Variants in DSCAML1 observed in about 807,000 individuals in gnomAD.
DSCAML1 encodes cell adhesion molecule DSCAML1.
DSCAML1 carries 38 observed loss-of-function variants against 200.5 expected under a neutral mutation model. That is an observed-to-expected ratio of 0.19 (90% CI 0.15 to 0.25). The LOEUF is 0.25. Among genes scored for constraint, DSCAML1 ranks in the 10% least tolerant of loss-of-function variants. The probability of loss-of-function intolerance (pLI) is 1.00; values close to 1 mark genes in which losing one functional copy is unlikely to be tolerated. For missense variants in DSCAML1, 2,223 were observed against 2,858.8 expected (o/e 0.78, Z 5.07); for synonymous variants, 1,215 against 1,165.0 (o/e 1.04, Z -0.87).
intron 11 of DSCAML1, among the ~76,000 whole-genome samples, chr11:117,494,717 G>A (rs916710120): frequency 1.3e-5 from 2 of 152,220 alleles, no homozygotes; most frequent in African/African-American, 4.8e-5. Flanking sequence ...TCATACCAGA[G>A]TAAGGTGAGC....
chr11:117,465,104 C>T lies in DSCAML1; in HGVS notation c.3103G>A (p.Gly1035Arg), dbSNP rs754400983. ...TTCATCTCCACGATGCTGTACTGCCCGTTGCTGCCGGGGCTGTTCTCTCTG... is the reference window on the plus strand; with the variant it reads ...TTCATCTCCACGATGCTGTACTGCCTGTTGCTGCCGGGGCTGTTCTCTCTG... ...GYRENSPGSN[G>R]QYSIVEMKAT... The change falls in exon 17 of 33, where the codon GGG (glycine) becomes AGG (arginine). Residue 1035 changes from glycine to arginine, a missense_variant. Gly to Arg is a moderately radical substitution (Grantham distance 125). Coordinates refer to ENST00000651296, the MANE Select transcript of DSCAML1 (RefSeq NM_020693.4). 32 of 1,613,970 alleles carry T rather than the reference C, an allele frequency of 2.0e-5. No individual in the cohort carries two copies. Among genetic ancestry groups the T allele is most frequent in the Admixed American group, 1.3e-4 (8 of 59,992 alleles).
intron 11 of DSCAML1, among the ~76,000 whole-genome samples, chr11:117,483,312 T>C (rs913563234): frequency 5.3e-5 from 8 of 152,170 alleles, no homozygotes; most frequent in Non-Finnish European, 7.3e-5. Context: ...GGAAGACAGA[T>C]ACCTGCACCG....
At chr11:117,612,442 C>T (rs1224525706) in intron 3 of DSCAML1, among the ~76,000 whole-genome samples, 1 of 152,210 alleles carries the variant, frequency 6.6e-6, no homozygotes, top group African/African-American at 2.4e-5. Context: ...CTGCCTCCCC[C>T]TACCCCCGCC....
chr11:117,644,210 C>T (rs538471534), intron 3 of DSCAML1, among the ~76,000 whole-genome samples: 4 of 152,358 alleles, frequency 2.6e-5, no homozygotes, highest in African/African-American at 9.6e-5. Flanking sequence ...CACCAAGTCT[C>T]GAAAGGCTCC....
intron 3 of DSCAML1, among the ~76,000 whole-genome samples, chr11:117,708,381 C>A (rs185114961): frequency 6.6e-6 from 1 of 152,354 alleles, no homozygotes; most frequent in Non-Finnish European, 1.5e-5. Context: ...GATGCAGAAT[C>A]TCAAACGATC....
At chr11:117,559,652 T>C (rs1211050853) in intron 3 of DSCAML1, among the ~76,000 whole-genome samples, 1 of 152,016 alleles carries the variant, frequency 6.6e-6, no homozygotes, top group Non-Finnish European at 1.5e-5. Flanking sequence ...TCAGCATCAG[T>C]GTTTGGCTTT....
At chr11:117,448,425 T>C (rs1310184849) in intron 20 of DSCAML1, among the ~76,000 whole-genome samples, 2 of 152,152 alleles carry the variant, frequency 1.3e-5, no homozygotes, top group Non-Finnish European at 2.9e-5. Context: ...GAAAAGATGC[T>C]GCCCCTGTCC....
intron 3 of DSCAML1, among the ~76,000 whole-genome samples, chr11:117,624,980 G>C (rs2052013770): frequency 6.6e-6 from 1 of 152,152 alleles, no homozygotes; most frequent in Admixed American, 6.5e-5. Flanking sequence ...ACCCATGCCT[G>C]GTCTCCCGCA....
chr11:117,465,025 T>A lies in DSCAML1; in HGVS notation c.3182A>T (p.Gln1061Leu). 6.2e-7 allele frequency: 1 copy of A among 1,614,128 alleles called. No individual in the cohort carries two copies. The highest frequency in any genetic ancestry group is 1.7e-5 in the Admixed American group (1 of 60,028). The change falls in exon 17 of 33, where the codon CAG becomes CTG. Residue 1061 changes from glutamine to leucine, a missense_variant. Transcript: ENST00000651296. ...GAAGGCTTGGACCACCACCCCATACTGGGCGAACTTCTTGAGGTTGTCCAG... is the reference window on the plus strand; with the variant it reads ...GAAGGCTTGGACCACCACCCCATACAGGGCGAACTTCTTGAGGTTGTCCAG... ...YTLDNLKKFA[Q>L]YGVVVQAFNR...
intron 3 of DSCAML1, among the ~76,000 whole-genome samples, chr11:117,658,227 A>G (rs2052772249): frequency 6.6e-6 from 1 of 152,068 alleles, no homozygotes; most frequent in African/African-American, 2.4e-5. Flanking sequence ...GCAGCCCTAG[A>G]GTCTCTGGAG....
At chr11:117,790,478 G>T (rs2055440419) in intron 1 of DSCAML1, among the ~76,000 whole-genome samples, 1 of 152,338 alleles carries the variant, frequency 6.6e-6, no homozygotes, top group East Asian at 1.9e-4. Context: ...CCATATGTTG[G>T]GGCCCACGGA....
In DSCAML1 at chr11:117,809,980, CAT is replaced by C. The variant is rs528834456; in HGVS notation, c.-250+7408_-250+7409del. On this transcript the variant is annotated intron_variant, in intron 1 of 2. Transcript: ENST00000525836. ...ACACACTCACACATTCACACACACT[CAT>C]ACACACATTCACATACACACATTCC... Among the ~76,000 whole-genome samples, 17 of 147,836 alleles carry C rather than the reference CAT, an allele frequency of 1.1e-4. No homozygotes were observed. In the South Asian group the frequency reaches 2.9e-3, roughly 26 times the overall value.
At chr11:117,510,632 T>A (rs2049600176) in intron 8 of DSCAML1, among the ~76,000 whole-genome samples, 1 of 152,166 alleles carries the variant, frequency 6.6e-6, no homozygotes, top group African/African-American at 2.4e-5. Flanking sequence ...TACCGTAGGA[T>A]CCCTTTCCTC....
chr11:117,502,061 C>T (rs186509692), intron 11 of DSCAML1, among the ~76,000 whole-genome samples: 289 of 152,262 alleles, frequency 1.9e-3, no homozygotes, highest in Non-Finnish European at 3.1e-3. Context: ...CAAATATGCT[C>T]CTTCTGAACC....
intron 3 of DSCAML1, among the ~76,000 whole-genome samples, chr11:117,700,414 C>T (rs2053646977): frequency 1.3e-5 from 2 of 152,208 alleles, no homozygotes; most frequent in Non-Finnish European, 2.9e-5. Flanking sequence ...AAAGCCCTTT[C>T]ACCCAGAGTC....
chr11:117,776,650 TCA>T, intron 3 of DSCAML1, 139 bp downstream of exon 3: 1 of 1,032,868 alleles, frequency 9.7e-7, no homozygotes, highest in Non-Finnish European at 1.4e-6. Flanking sequence ...GGCCAAAGCT[TCA>T]CCAGAACAAT....
At chr11:117,513,726 G>A (rs1249821226) in intron 8 of DSCAML1, among the ~76,000 whole-genome samples, 1 of 132,972 alleles carries the variant, frequency 7.5e-6, no homozygotes, top group African/African-American at 2.9e-5. Context: ...GGGTGACAGA[G>A]CAAGACTCTA....
At chr11:117,761,609 G>A (rs2054803643) in intron 3 of DSCAML1, among the ~76,000 whole-genome samples, 1 of 152,212 alleles carries the variant, frequency 6.6e-6, no homozygotes, top group African/African-American at 2.4e-5. Flanking sequence ...GGTGGCTCAT[G>A]CCAATAATCT....
chr11:117,432,521 A>G lies in DSCAML1; in HGVS notation c.5027-17T>C. 1 of 1,610,802 alleles carries G rather than the reference A, an allele frequency of 6.2e-7. No homozygotes were observed. Among genetic ancestry groups the G allele is most frequent in the Non-Finnish European group, 8.5e-7 (1 of 1,178,608 alleles). On this transcript the variant is annotated splice_polypyrimidine_tract_variant and intron_variant, in intron 29 of 32. Transcript: ENST00000651296. ...TGTCATCTCCTGGGGAAAGAAGGAC[A>G]ATTACTGGGAGTCCTTTACAATTGT...
Sources: gnomAD v4.1 joint callset for allele counts (sites outside exome capture counted in the v4.1 genomes callset) on GRCh38, gnomAD v4.1.1 for gene constraint, MANE v1.5 for transcripts, NCBI Gene and HGNC (gene_info 2026-07-23, HGNC 2026-07-21) for gene names.